The following CCDC158 variants were observed in gnomAD, a reference collection of about 807,000 sequenced individuals.
CCDC158 encodes coiled-coil domain containing 158.
CCDC158 carries 116 observed loss-of-function variants against 138.6 expected under a neutral mutation model. The observed-to-expected ratio is 0.84, with a 90% CI of 0.72 to 0.98. The LOEUF is 0.98. Ranked by LOEUF, CCDC158 falls within the 50% of genes least tolerant of loss-of-function variation. The pLI is 0.00. For synonymous variants in CCDC158, 436 were observed against 442.4 expected, an observed-to-expected ratio of 0.99 and a Z score of 0.18; for missense variants, 1,265 against 1,306.1, an observed-to-expected ratio of 0.97 and a Z score of 0.48.
chr4:76,367,913 A>C, intron 11 of CCDC158, 137 bp from the exon 12 acceptor site: 1 of 791,776 alleles, frequency 1.3e-6, no homozygotes, highest in Admixed American at 3.2e-5. Context: ...TTTTTTTAAG[A>C]GATGGGGGTC....
At chr4:76,378,356 A>G (rs1292856047) in intron 9 of CCDC158, among the ~76,000 whole-genome samples, 1 of 152,140 alleles carries the variant, frequency 6.6e-6, no homozygotes, top group African/African-American at 2.4e-5. Context: ...CTTATACTCT[A>G]TTTCTTCTAA....
At chr4:76,409,400 GT>G (rs1729108389) in intron 2 of CCDC158, among the ~76,000 whole-genome samples, 1 of 152,028 alleles carries the variant, frequency 6.6e-6, no homozygotes, top group African/African-American at 2.4e-5. Flanking sequence ...ACTTACATGT[GT>G]TTATTTTAAA....
chr4:76,348,743 G>C (rs1011084660), intron 18 of CCDC158, among the ~76,000 whole-genome samples: 3 of 152,106 alleles, frequency 2.0e-5, no homozygotes, highest in African/African-American at 7.2e-5. Flanking sequence ...GGTGAAGGGA[G>C]AATTAATTAT....
intron 4 of CCDC158, among the ~76,000 whole-genome samples, chr4:76,393,152 C>T (rs890933813): frequency 6.6e-6 from 1 of 151,948 alleles, no homozygotes; most frequent in African/African-American, 2.4e-5. Flanking sequence ...CATATGGAAT[C>T]ACAAAAGACA....
At chr4:76,331,719 G>A (rs1053352203) in intron 20 of CCDC158, among the ~76,000 whole-genome samples, 2 of 152,074 alleles carry the variant, frequency 1.3e-5, no homozygotes, top group Non-Finnish European at 2.9e-5. Flanking sequence ...TTTGATTAGA[G>A]GATAATACAG....
At chr4:76,377,352 A>G (rs1426553674) in intron 9 of CCDC158, among the ~76,000 whole-genome samples, 1 of 152,196 alleles carries the variant, frequency 6.6e-6, no homozygotes, top group East Asian at 1.9e-4. Context: ...AATCTTTCCA[A>G]AATGATTTGT....
At chr4:76,377,982 G>GTGT (rs138616622) in intron 9 of CCDC158, among the ~76,000 whole-genome samples, 3,901 of 152,276 alleles carry the variant, frequency 0.026, 81 homozygotes, top group Non-Finnish European at 0.038. Context: ...AGTTGCATGT[G>GTGT]TGTTGGATCA....
At chr4:76,402,127 A>G (rs191669646) in intron 3 of CCDC158, 1 of 152,352 alleles carries the variant, frequency 6.6e-6, no homozygotes, top group East Asian at 1.9e-4. Flanking sequence ...AAAAACTTAT[A>G]TGAATCTGGC....
Position 76,403,297 on chromosome 4 carries a change from T to C in CCDC158, c.-73-17A>G. The stretch of plus-strand genomic sequence containing the variant: ...GGTTCCTGTCTATGAAAGACAGAGA[T>C]TCAATCTTTATTAACAAGGTACTAT... On this transcript the variant is annotated splice_polypyrimidine_tract_variant and intron_variant, in intron 2 of 24. Coordinates refer to ENST00000682701, the MANE Select transcript of CCDC158 (RefSeq NM_001394954.1). 3.6e-6 allele frequency: 3 copies of C among 834,040 alleles called. No individual in the cohort carries two copies. In the South Asian group the frequency reaches 5.3e-5, roughly 15 times the overall value. 51.7% of individuals were successfully genotyped at this position (834,040 alleles called of 1,614,324 possible).
intron 9 of CCDC158, chr4:76,375,278 G>A (rs996878268): frequency 2.0e-5 from 7 of 355,882 alleles, no homozygotes; most frequent in African/African-American, 1.5e-4. Flanking sequence ...GGACAAATGA[G>A]TATTGGGATT....
chr4:76,382,632 G>C lies in CCDC158; in HGVS notation c.892C>G (p.Gln298Glu). ...TACTGAATGATTTCCATTTGACTCT[G>C]GATACTATTGGCTTGGCTTCGAGCA... ...SSARSQANSI[Q>E]SQMEIIQEQA... is the part of the protein sequence containing the mutation. The change falls in exon 8 of 25, where the codon CAG (glutamine) becomes GAG (glutamate). Residue 298 changes from glutamine (Q) to glutamate (E), a missense_variant. Gln to Glu is a conservative substitution (Grantham distance 29). Transcript: ENST00000682701. The C allele has an allele frequency of 6.2e-7, 1 of 1,610,306 alleles. No homozygotes were observed. The highest frequency in any genetic ancestry group is 8.5e-7 in the Non-Finnish European group (1 of 1,176,908).
intron 18 of CCDC158, among the ~76,000 whole-genome samples, chr4:76,340,117 G>A (rs1034474900): frequency 6.6e-6 from 1 of 152,142 alleles, no homozygotes; most frequent in African/African-American, 2.4e-5. Context: ...ATCACTTCAG[G>A]GGAGAACAAC....
chr4:76,320,868 A>C (rs1353718073), intron 24 of CCDC158, among the ~76,000 whole-genome samples: 1 of 152,214 alleles, frequency 6.6e-6, no homozygotes, highest in East Asian at 1.9e-4. Flanking sequence ...GTTCATGACC[A>C]AGAACCCAAA....
intron 13 of CCDC158, among the ~76,000 whole-genome samples, chr4:76,360,244 G>T (rs376744675): frequency 2.0e-5 from 3 of 152,354 alleles, no homozygotes; most frequent in East Asian, 1.9e-4. Flanking sequence ...GGAAATGCCT[G>T]GATGTCCAGG....
intron 18 of CCDC158, among the ~76,000 whole-genome samples, chr4:76,348,898 G>C (rs369290906): frequency 1.3e-5 from 2 of 152,262 alleles, no homozygotes; most frequent in African/African-American, 4.8e-5. Flanking sequence ...AAAACAAACT[G>C]AGTAGATAAG....
chr4:76,325,165 T>A (rs1720408371), intron 23 of CCDC158, among the ~76,000 whole-genome samples: 1 of 152,200 alleles, frequency 6.6e-6, no homozygotes, highest in Non-Finnish European at 1.5e-5. Context: ...TGTACTAACA[T>A]GTGATTAGGT....
intron 4 of CCDC158, among the ~76,000 whole-genome samples, chr4:76,384,942 G>C (rs144897026): frequency 6.6e-6 from 1 of 152,262 alleles, no homozygotes; most frequent in African/African-American, 2.4e-5. Context: ...CATGGAGATA[G>C]AAATACATTT....
chr4:76,313,321 A>G, intron 24 of CCDC158, 75 bp from the exon 25 acceptor site: 1 of 835,818 alleles, frequency 1.2e-6, no homozygotes, highest in East Asian at 2.7e-5. Flanking sequence ...TACTTAAAAG[A>G]TCAGCTTGAT....
chr4:76,328,266 A>C (rs1295245742), intron 22 of CCDC158, among the ~76,000 whole-genome samples: 1 of 152,112 alleles, frequency 6.6e-6, no homozygotes, highest in Non-Finnish European at 1.5e-5. Context: ...TTTATTCAGC[A>C]CCTGCTATGT....
Sources: allele counts gnomAD v4.1 joint callset (sites outside exome capture counted in the v4.1 genomes callset), GRCh38; gene constraint gnomAD v4.1.1; transcripts MANE v1.5; gene names NCBI Gene and HGNC (gene_info 2026-07-23, HGNC 2026-07-21).